CFAP74: variants seen among roughly 807,000 people sequenced by gnomAD.
CFAP74 encodes cilia- and flagella-associated protein 74.
Under a neutral mutation model 188.9 loss-of-function variants are expected in CFAP74, and 124 were observed. The ratio of observed to expected loss-of-function variants is 0.66; its 90% CI spans 0.57 to 0.76. The LOEUF is 0.76. CFAP74 is among the 30% of genes least tolerant of loss of function. The pLI is 0.00. For synonymous variants in CFAP74, 956 were observed against 916.7 expected, an observed-to-expected ratio of 1.04 and a Z score of -0.77; for missense variants, 2,198 against 2,165.2, an observed-to-expected ratio of 1.02 and a Z score of -0.30.
At position 1,974,193 on chromosome 1, in the gene CFAP74, G is replaced by C; in HGVS notation, c.506C>G (p.Thr169Ser). Residue 169 changes from threonine (T) to serine (S), a missense_variant, in exon 7 of 39, where the codon ACC becomes AGC. By Grantham distance (58) the Thr-to-Ser change is moderately conservative. Coordinates refer to ENST00000682832, the MANE Select transcript of CFAP74 (RefSeq NM_001304360.2). ...CTCCTGGATCTCGATGTGCCACATG[G>C]TGTTCCTTCAAACAAGAGGCAAAGC... is the stretch of plus-strand genomic sequence containing the variant. ...TEAVLKESENTMWHIEIQEGR... is the reference protein window; with the variant it reads ...TEAVLKESENSMWHIEIQEGR... The C allele has an allele frequency of 6.3e-7, 1 of 1,594,106 alleles. No homozygotes were observed. Among genetic ancestry groups the C allele is most frequent in the East Asian group, 2.3e-5 (1 of 44,382 alleles).
chr1:1,988,714 C>T (rs1448299726), intron 3 of CFAP74, 59 bp from the exon 4 acceptor site: 1 of 1,590,108 alleles, frequency 6.3e-7, no homozygotes, highest in African/African-American at 1.3e-5. Flanking sequence ...GAACTCATTC[C>T]TCGGTGTGGC....
At chr1:1,989,599 T>G (rs1299223483) in intron 2 of CFAP74, among the ~76,000 whole-genome samples, 1 of 152,210 alleles carries the variant, frequency 6.6e-6, no homozygotes, top group Non-Finnish European at 1.5e-5. Flanking sequence ...TAGCTGAGGC[T>G]ACAGATGTGT....
chr1:1,979,764 G>T (rs557635383), intron 6 of CFAP74, among the ~76,000 whole-genome samples: 1 of 124,340 alleles, frequency 8.0e-6, no homozygotes, highest in Non-Finnish European at 1.8e-5. Context: ...TGCAGAACAC[G>T]CGTGTGGTAC....
intron 1 of CFAP74, among the ~76,000 whole-genome samples, chr1:1,996,652 C>T (rs950619110): frequency 6.6e-6 from 1 of 151,818 alleles, no homozygotes; most frequent in African/African-American, 2.4e-5. Context: ...CGGGTGCGGG[C>T]GCTCATGTCT....
chr1:1,925,494 G>T (rs982757503), intron 33 of CFAP74, among the ~76,000 whole-genome samples: 1 of 152,282 alleles, frequency 6.6e-6, no homozygotes, highest in African/African-American at 2.4e-5. Context: ...GGTGGTGGGT[G>T]GGGGAGCTCT....
intron 25 of CFAP74, among the ~76,000 whole-genome samples, chr1:1,932,295 G>T (rs1376698935): frequency 6.6e-6 from 1 of 151,066 alleles, no homozygotes; most frequent in African/African-American, 2.4e-5. Context: ...TATTTGGGAG[G>T]CTGAGGCAGG....
intron 1 of CFAP74, among the ~76,000 whole-genome samples, chr1:2,000,054 C>T (rs1308436474): frequency 9.2e-5 from 14 of 151,948 alleles, no homozygotes; most frequent in Non-Finnish European, 1.8e-4. Flanking sequence ...GTCCCAGCTC[C>T]TCAGGAGGTT....
chr1:1,968,775 C>T lies in CFAP74; in HGVS notation c.1105G>A (p.Glu369Lys). Residue 369 changes from glutamate to lysine, a missense_variant, in exon 11 of 39, where the codon GAG (glutamate) becomes AAG (lysine). By Grantham distance (56) the Glu-to-Lys change is moderately conservative. Transcript: ENST00000682832. The surrounding 1 kb of genome is among the most constrained non-coding windows in gnomAD (Gnocchi z 4.3). Reference sequence around the variant, plus strand: ...TTCCTCTTTTCCTCCTCAGCCTCCTCTTTCAGAATCCGACTGATGATCTCC... The same window carrying T: ...TTCCTCTTTTCCTCCTCAGCCTCCTTTTTCAGAATCCGACTGATGATCTCC... ...KQEIISRILK[E>K]EAEEEKRKKQ... is the part of the protein sequence containing the mutation. 1.2e-6 allele frequency: 2 copies of T among 1,614,142 alleles called. No individual in the cohort carries two copies. The highest frequency in any genetic ancestry group is 3.3e-5 in the Admixed American group (2 of 60,016).
At chr1:1,993,697 A>C (rs972251061) in intron 1 of CFAP74, among the ~76,000 whole-genome samples, 1 of 152,002 alleles carries the variant, frequency 6.6e-6, no homozygotes, top group Non-Finnish European at 1.5e-5. Flanking sequence ...AATGCTTATA[A>C]ATCAGCAGGG....
rs552736151 is a variant in CFAP74, at chr1:1,964,990, C to T, written c.1473G>A (p.Thr491=). ...CCACCCTGCTCCGCAGCCGCTCCAC[C>T]GTGCGCTCCAGGATGTCCTTGTCCA... The part of the protein sequence containing the change: ...TKMDKDILER[T]VERLRSRVVH... The change falls in exon 13 of 39, where the codon ACG becomes ACA. Residue 491 remains threonine, a synonymous_variant. Transcript: ENST00000682832. 212 of 1,613,942 alleles carry T rather than the reference C, an allele frequency of 1.3e-4. 1 individual carries two copies. In the South Asian group the frequency reaches 2.0e-3, roughly 15 times the overall value.
Position 1,926,109 on chromosome 1 carries a change from G to A in CFAP74, c.3948+119C>T, listed in dbSNP as rs1479080800. 2.3e-5 allele frequency: 32 copies of A among 1,422,152 alleles called. 1 individual carries two copies. Among genetic ancestry groups the A allele is most frequent in the Middle Eastern group, 2.5e-4 (1 of 3,980 alleles). The allele number at this position is 1,422,152 out of a possible 1,614,324, so 88.1% of individuals were successfully genotyped here. A position where few individuals can be genotyped will look rare whatever the true frequency, so the allele number is the denominator to read the frequency against. On this transcript the variant is annotated intron_variant, in intron 32 of 38. Transcript: ENST00000682832. ...TGAGGGCCTGGGGGCCAGGCTGCTC[G>A]CAGACCCAGGCTTAGTCCCAGGCCT...
chr1:1,924,476 C>A lies in CFAP74; in HGVS notation c.4149G>T (p.Leu1383=). 6.3e-7 allele frequency: 1 copy of A among 1,599,904 alleles called. No individual in the cohort carries two copies. The highest frequency in any genetic ancestry group is 8.5e-7 in the Non-Finnish European group (1 of 1,175,010). Residue 1383 remains leucine, a synonymous_variant, in exon 34 of 39, where the codon CTG becomes CTT. Transcript: ENST00000682832. ...GGCCCCGGGTGCTGGAGAGGCTGTC[C>A]AGGTGCATGGAGAACTTGATGGGGA... ...SLLPIKFSMH[L]DSLSSTRGRG...
chr1:1,956,564 G>T (rs1654644313), intron 17 of CFAP74, 56 bp downstream of exon 17: 1 of 1,604,004 alleles, frequency 6.2e-7, no homozygotes, highest in South Asian at 1.1e-5. Context: ...ACCCACATGG[G>T]ACTGGATTTG....
intron 6 of CFAP74, among the ~76,000 whole-genome samples, chr1:1,978,229 C>T (rs1313063763): frequency 1.3e-5 from 2 of 152,216 alleles, no homozygotes; most frequent in Non-Finnish European, 2.9e-5. Flanking sequence ...GTCCTGTGCC[C>T]TTTGAAAGCA....
In CFAP74 at chr1:1,934,950, TTAGGTTGTAGGTACACGTGTGTACGTGG is replaced by T. The variant is rs1557997682; in HGVS notation, c.3011+3877_3011+3904del. On this transcript the variant is annotated intron_variant, in intron 25 of 38. Transcript: ENST00000682832. ...AGGTACACAGGTGTGTACGTGGGTG[TTAGGTTGTAGGTACACGTGTGTACGTGG>T]GTGTTAGGTTGTAGGTACACACGTG... is the stretch of plus-strand genomic sequence containing the variant. Among the ~76,000 whole-genome samples, 64 of 30,584 alleles carry T rather than the reference TTAGGTTGTAGGTACACGTGTGTACGTGG, an allele frequency of 2.1e-3. 16 individuals carry two copies. Among genetic ancestry groups the T allele is most frequent in the African/African-American group, 6.8e-3 (60 of 8,878 alleles). 20.1% of individuals were successfully genotyped at this position (30,584 alleles called of 152,430 possible).
At chr1:1,932,546 G>A (rs1345832105) in intron 25 of CFAP74, among the ~76,000 whole-genome samples, 1 of 151,838 alleles carries the variant, frequency 6.6e-6, no homozygotes, top group Non-Finnish European at 1.5e-5. Flanking sequence ...AATTATTTTT[G>A]AGTGGAGATA....
At chr1:1,922,842 C>T in intron 37 of CFAP74, 119 bp from the exon 38 acceptor site, 1 of 1,475,330 alleles carries the variant, frequency 6.8e-7, no homozygotes, top group Non-Finnish European at 9.0e-7. Flanking sequence ...GCTGCCCACC[C>T]CACAGCTGCC....
rs569414678 is a variant in CFAP74 at position 1,923,941 on chromosome 1, G to C, written c.4235-12C>G. 2 of 1,600,708 alleles carry C rather than the reference G, an allele frequency of 1.2e-6. No individual in the cohort carries two copies. The highest frequency in any genetic ancestry group is 2.2e-5 in the South Asian group (2 of 89,130). ...GAGATTCTGCGTCCCTGCGGGTAGG[G>C]TGGGGTGCAGTTTGGCCTTCTCCAC... On this transcript the variant is annotated splice_polypyrimidine_tract_variant and intron_variant, in intron 34 of 38. Coordinates refer to ENST00000682832, the MANE Select transcript of CFAP74 (RefSeq NM_001304360.2). The surrounding 1 kb of genome is among the most constrained non-coding windows in gnomAD (Gnocchi z 6.3).
At chr1:1,983,714 AG>A (rs1368709576) in intron 6 of CFAP74, 2 of 152,260 alleles carry the variant, frequency 1.3e-5, no homozygotes, top group Non-Finnish European at 2.9e-5. Flanking sequence ...TTTGAGACGG[AG>A]TCTCGCTCTG....
Sources: allele counts gnomAD v4.1 joint callset (sites outside exome capture counted in the v4.1 genomes callset), GRCh38; gene constraint gnomAD v4.1.1; non-coding constraint Gnocchi (gnomAD v3.1); transcripts MANE v1.5; gene names NCBI Gene and HGNC (gene_info 2026-07-23, HGNC 2026-07-21).